SLC18B1: variants seen among roughly 807,000 people sequenced by gnomAD.
The protein encoded by SLC18B1 is solute carrier family 18 member B1.
A neutral mutation model predicts 53.9 loss-of-function variants in SLC18B1; 62 were observed. The observed-to-expected ratio is 1.15, with a 90% CI of 0.94 to 1.42. SLC18B1 has a LOEUF of 1.42. Among genes scored for constraint, SLC18B1 ranks in the 40% most tolerant of loss-of-function variants. The pLI, the probability that SLC18B1 is intolerant of heterozygous loss-of-function variation, is 0.00. For missense variants in SLC18B1, 598 were observed against 547.3 expected, an observed-to-expected ratio of 1.09 and a Z score of -0.93; for synonymous variants, 217 against 200.9, an observed-to-expected ratio of 1.08 and a Z score of -0.68.
At chr6:132,776,825 A>G (rs1277906131) in intron 7 of SLC18B1, among the ~76,000 whole-genome samples, 2 of 152,126 alleles carry the variant, frequency 1.3e-5, no homozygotes, top group African/African-American at 4.8e-5. Flanking sequence ...ATTTCTAAAG[A>G]TTTCTTAGGT....
Position 132,798,307 on chromosome 6 carries a change from A to G in SLC18B1, c.43+107T>C, listed in dbSNP as rs527285029. 9.0e-6 allele frequency: 11 copies of G among 1,219,370 alleles called. No homozygotes were observed. The South Asian group carries it at 1.9e-4, about 21-fold the overall frequency. 75.5% of individuals were successfully genotyped at this position (1,219,370 alleles called of 1,614,324 possible). The stretch of plus-strand genomic sequence containing the variant: ...CCACGATCAGGCCCCAGCCTTTTCC[A>G]ATCTCTCGGAAACAGATCAAGCTAT... On this transcript the variant is annotated intron_variant, in intron 1 of 13. Coordinates refer to ENST00000275227, the MANE Select transcript of SLC18B1 (RefSeq NM_052831.3).
rs1349367619 is a variant in SLC18B1, at chr6:132,771,145, A to T, written c.1161-16T>A. The T allele has an allele frequency of 1.2e-6, 2 of 1,607,524 alleles. No homozygotes were observed. Among genetic ancestry groups the T allele is most frequent in the Admixed American group, 1.7e-5 (1 of 59,312 alleles). On this transcript the variant is annotated splice_polypyrimidine_tract_variant and intron_variant, in intron 11 of 13. Transcript: ENST00000275227. ...CATAAAAGCACTAACAATAGAAAGA[A>T]GAAAAAGTATTCAATAGTGCAAAAA...
At chr6:132,780,687 G>A (rs148808533) in intron 6 of SLC18B1, among the ~76,000 whole-genome samples, 3 of 144,940 alleles carry the variant, frequency 2.1e-5, no homozygotes, top group East Asian at 4.4e-4. Flanking sequence ...TCAGCCTCCC[G>A]AGTAGCTGGG....
At chr6:132,785,897 C>CAAAAAAAAAAAAAAAAA (rs71545048) in intron 5 of SLC18B1, among the ~76,000 whole-genome samples, 54 of 81,122 alleles carry the variant, frequency 6.7e-4, no homozygotes, top group African/African-American at 8.8e-4. Context: ...CCTGTCTCTA[C>CAAAAAAAAAAAAAAAAA]AAAAAAAAAA....
intron 2 of SLC18B1, among the ~76,000 whole-genome samples, chr6:132,795,169 G>GA (rs11303053): frequency 0.044 from 6,387 of 144,180 alleles, 211 homozygotes; most frequent in East Asian, 0.077. Flanking sequence ...TTTAAAAAAA[G>GA]AAAAAAAAAA....
intron 5 of SLC18B1, 25 bp downstream of exon 5, chr6:132,787,409 T>A: frequency 6.5e-7 from 1 of 1,528,068 alleles, no homozygotes; most frequent in Non-Finnish European, 8.8e-7. Context: ...CAAAGGAAAG[T>A]GGGAAATACT....
At chr6:132,782,681 G>C (rs1781268179) in intron 6 of SLC18B1, among the ~76,000 whole-genome samples, 1 of 151,410 alleles carries the variant, frequency 6.6e-6, no homozygotes, top group African/African-American at 2.4e-5. Flanking sequence ...GAAATGGGTA[G>C]AACTTATAAA....
In SLC18B1 at chr6:132,772,173, C is replaced by T. The variant is rs752466153; in HGVS notation, c.1119G>A (p.Leu373=). Residue 373 remains leucine (L), a synonymous_variant, in exon 11 of 14, where the codon TTG becomes TTA. Coordinates refer to ENST00000275227, the MANE Select transcript of SLC18B1 (RefSeq NM_052831.3). ...ENGFEEGLST[L]GLVSGLFSAM... The stretch of plus-strand genomic sequence containing the variant: ...CACTAAAAAGACCTGATACAAGTCC[C>T]AATGTACTTAATCCCTCTTCAAACC... 4 of 1,581,310 alleles carry T rather than the reference C, an allele frequency of 2.5e-6. No individual in the cohort carries two copies. The highest frequency in any genetic ancestry group is 3.4e-6 in the Non-Finnish European group (4 of 1,168,762).
At chr6:132,773,369 T>C (rs1781024423) in intron 9 of SLC18B1, among the ~76,000 whole-genome samples, 1 of 152,176 alleles carries the variant, frequency 6.6e-6, no homozygotes, top group Non-Finnish European at 1.5e-5. Context: ...CCAACCTGGC[T>C]TCTTCTCACC....
Position 132,776,447 on chromosome 6 carries a change from T to C in SLC18B1, c.796-18A>G, listed in dbSNP as rs761516941. ...AAATTGAACTGTAAAAGAAATCCTATATTAAAGTTACATAATTAAGTCATT... is the reference window on the plus strand; with the variant it reads ...AAATTGAACTGTAAAAGAAATCCTACATTAAAGTTACATAATTAAGTCATT... On this transcript the variant is annotated intron_variant, in intron 7 of 13. Coordinates refer to ENST00000275227, the MANE Select transcript of SLC18B1 (RefSeq NM_052831.3). 1.3e-6 allele frequency: 2 copies of C among 1,577,766 alleles called. No individual in the cohort carries two copies. Among genetic ancestry groups the C allele is most frequent in the Non-Finnish European group, 1.7e-6 (2 of 1,151,658 alleles).
At chr6:132,795,284 G>C (rs1282336262) in intron 2 of SLC18B1, among the ~76,000 whole-genome samples, 1 of 151,802 alleles carries the variant, frequency 6.6e-6, no homozygotes, top group East Asian at 1.9e-4. Context: ...ACAAGAGAAA[G>C]CCATTTCCCT....
intron 9 of SLC18B1, 114 bp from the exon 10 acceptor site, chr6:132,773,202 A>C (rs1444587745): frequency 1.9e-5 from 11 of 570,432 alleles, no homozygotes; most frequent in Non-Finnish European, 3.1e-5. Context: ...TTCACCGATT[A>C]TGTGCCTAGT....
At chr6:132,792,054 C>T (rs903553091) in intron 2 of SLC18B1, among the ~76,000 whole-genome samples, 1 of 151,372 alleles carries the variant, frequency 6.6e-6, no homozygotes, top group African/African-American at 2.4e-5. Flanking sequence ...ATGGCAAAAC[C>T]CCGTCTCTAC....
intron 6 of SLC18B1, among the ~76,000 whole-genome samples, chr6:132,781,699 A>G (rs1202445240): frequency 6.7e-6 from 1 of 148,198 alleles, no homozygotes; most frequent in Non-Finnish European, 1.5e-5. Flanking sequence ...GGAGGTTGCA[A>G]TGAGCCAAGA....
In SLC18B1 at chr6:132,798,506, C is replaced by G; in HGVS notation, c.-50G>C. On this transcript the variant is annotated 5_prime_UTR_variant, in exon 1 of 14. Transcript: ENST00000275227. Reference sequence around the variant, plus strand: ...CCAGCTCCCGGCTTCAAGCCACGTCCTTGGACTCGACCTCCAAGGAGCCAC... The same window carrying G: ...CCAGCTCCCGGCTTCAAGCCACGTCGTTGGACTCGACCTCCAAGGAGCCAC... The G allele has an allele frequency of 3.5e-6, 5 of 1,428,516 alleles. No individual in the cohort carries two copies. The highest frequency in any genetic ancestry group is 4.6e-6 in the Non-Finnish European group (5 of 1,083,712). The allele number at this position is 1,428,516 out of a possible 1,614,324, so 88.5% of individuals were successfully genotyped here.
Position 132,798,430 on chromosome 6 carries a change from T to A in SLC18B1, c.27A>T (p.Gly9=). 1 of 1,529,778 alleles carries A rather than the reference T, an allele frequency of 6.5e-7. No homozygotes were observed. The allele number at this position is 1,529,778 out of a possible 1,614,324, so 94.8% of individuals were successfully genotyped here. ...CATGGTCACCTCCTGGTGCGCGTGG[T>A]CCCTCCAGGTCACCCAGCGCCTCCA... MEALGDLE[G]PRAPGGDDPA... The change falls in exon 1 of 14, where the codon GGA becomes GGT. Residue 9 remains glycine (G), a synonymous_variant. Transcript: ENST00000275227.
At position 132,780,624 on chromosome 6, in the gene SLC18B1, C is replaced by T. The variant is rs1394428391; in HGVS notation, c.659-1220G>A. ...GTTTTTTTTTTGGAGTGCAGTGGTG[C>T]GATCTCAGCTCACTGCAACCTCCAC... is the stretch of plus-strand genomic sequence containing the variant. On this transcript the variant is annotated intron_variant, in intron 6 of 13. Coordinates refer to ENST00000275227, the MANE Select transcript of SLC18B1 (RefSeq NM_052831.3). Among the ~76,000 whole-genome samples, 10 of 119,482 alleles carry T rather than the reference C, an allele frequency of 8.4e-5. No homozygotes were observed. In the East Asian group the frequency reaches 1.6e-3, roughly 19 times the overall value. 78.4% of individuals were successfully genotyped at this position (119,482 alleles called of 152,430 possible).
intron 1 of SLC18B1, 26 bp from the exon 2 acceptor site, chr6:132,797,147 G>A (rs1781715201): frequency 6.2e-7 from 1 of 1,611,958 alleles, no homozygotes; most frequent in African/African-American, 1.3e-5. Context: ...GCAGCAATTA[G>A]GCATATAATT....
In SLC18B1 at chr6:132,769,841, CT is replaced by C. The variant is rs1780924414; in HGVS notation, c.*428del. On this transcript the variant is annotated 3_prime_UTR_variant, in exon 14 of 14. Transcript: ENST00000275227. ...AATGTTTCTACATATTTTGAAGCAC[CT>C]TTATGTATTTAGAGCATATCAAATT... 1 of 152,810 alleles carries C rather than the reference CT, an allele frequency of 6.5e-6. No individual in the cohort carries two copies. The highest frequency in any genetic ancestry group is 2.4e-5 in the African/African-American group (1 of 41,450). 9.5% of individuals were successfully genotyped at this position (152,810 alleles called of 1,614,324 possible).
Sources: gnomAD v4.1 joint callset for allele counts (sites outside exome capture counted in the v4.1 genomes callset) on GRCh38, gnomAD v4.1.1 for gene constraint, MANE v1.5 for transcripts, NCBI Gene and HGNC (gene_info 2026-07-23, HGNC 2026-07-21) for gene names.